The following SELENON variants were observed in gnomAD, a reference collection of about 807,000 sequenced individuals.
SELENON encodes the protein selenoprotein N, also known as selenoprotein N, 1.
In SELENON, 44 loss-of-function variants were observed where a neutral mutation model predicts 59.5. The ratio of observed to expected loss-of-function variants is 0.74; its 90% CI spans 0.58 to 0.95. The LOEUF is 0.95. SELENON is among the 40% of genes least tolerant of loss of function. The probability of loss-of-function intolerance (pLI) is 0.00; values close to 1 mark genes in which losing one functional copy is unlikely to be tolerated. For missense variants in SELENON, 674 were observed against 721.4 expected (o/e 0.93, Z 0.75); for synonymous variants, 320 against 305.6 (o/e 1.05, Z -0.49).
chr1:25,811,363 A>T, intron 7 of SELENON, 91 bp from the exon 7 acceptor site: 1 of 1,135,586 alleles, frequency 8.8e-7, no homozygotes, highest in Admixed American at 1.7e-5. Flanking sequence ...CTCATCTGGA[A>T]AGTGGAGACA....
At chr1:25,814,924 G>C (rs1389799825) in intron 12 of SELENON, among the ~76,000 whole-genome samples, 3 of 152,144 alleles carry the variant, frequency 2.0e-5, no homozygotes, top group African/African-American at 7.2e-5. Context: ...TGAGGGTTTG[G>C]TGTAAAGGAA....
At position 25,807,656 on chromosome 1, in the gene SELENON, C is replaced by CG. The variant is rs1443484618; in HGVS notation, c.538-922dup. Among the ~76,000 whole-genome samples the CG allele has an allele frequency of 9.9e-5, 15 of 152,172 alleles. No homozygotes were observed. Among genetic ancestry groups the CG allele is most frequent in the African/African-American group, 3.1e-4 (13 of 41,460 alleles). On this transcript the variant is annotated intron_variant, in intron 4 of 12. Coordinates refer to ENST00000361547, the MANE Select transcript of SELENON (RefSeq NM_020451.3). The surrounding 1 kb of genome is among the most constrained non-coding windows in gnomAD (Gnocchi z 4.5). ...CCAGGAAGGCGGGCTCGGCCTGGCCCGGCACAGCCAGCTCTGCCTTGAGAA... is the reference window on the plus strand; with the variant it reads ...CCAGGAAGGCGGGCTCGGCCTGGCCCGGGCACAGCCAGCTCTGCCTTGAGAA...
rs1491555793 is a variant in SELENON, at chr1:25,812,563, A to AC, written c.1282-124_1282-123insC. The AC allele has an allele frequency of 3.6e-3, 2,087 of 579,326 alleles. 5 individuals carry two copies. Among genetic ancestry groups the AC allele is most frequent in the Middle Eastern group, 6.6e-3 (15 of 2,286 alleles). 35.9% of individuals were successfully genotyped at this position (579,326 alleles called of 1,614,324 possible). ...CACACAAATATATATGCCTACACAC[A>AC]AACACACACACACACACACACACAC... On this transcript the variant is annotated intron_variant, in intron 9 of 12. Transcript: ENST00000361547.
intron 3 of SELENON, 47 bp from the exon 3 acceptor site, chr1:25,805,095 G>A: frequency 6.2e-7 from 1 of 1,610,536 alleles, no homozygotes; most frequent in Non-Finnish European, 8.5e-7. Context: ...GGAGAGGTGA[G>A]CCCTGTAGCA....
chr1:25,801,172 G>A lies in SELENON; in HGVS notation c.301+12G>A. On this transcript the variant is annotated intron_variant, in intron 2 of 12. Transcript: ENST00000361547. ...TGAGAAGCTAACAGGTACCAGGAGAGACTGGCGGCTGGGGAGGAGGGCGCC... is the reference window on the plus strand; with the variant it reads ...TGAGAAGCTAACAGGTACCAGGAGAAACTGGCGGCTGGGGAGGAGGGCGCC... The A allele has an allele frequency of 6.2e-7, 1 of 1,608,486 alleles. No homozygotes were observed. The highest frequency in any genetic ancestry group is 8.5e-7 in the Non-Finnish European group (1 of 1,174,900).
rs527611669 is a variant in SELENON at position 25,810,096 on chromosome 1, C to T, written c.1010+276C>T. On this transcript the variant is annotated intron_variant, in intron 7 of 12. Transcript: ENST00000361547. ...GACCCTTCCTGAAGCTGGGCCTCCC[C>T]GCCCTCATACTGCTGACAGGCCCCA... Among the ~76,000 whole-genome samples the T allele has an allele frequency of 8.6e-4, 131 of 152,328 alleles. 1 individual carries two copies. Among genetic ancestry groups the T allele is most frequent in the African/African-American group, 2.8e-3 (117 of 41,576 alleles).
intron 3 of SELENON, among the ~76,000 whole-genome samples, chr1:25,802,997 G>A (rs553086031): frequency 2.0e-5 from 3 of 152,190 alleles, no homozygotes; most frequent in East Asian, 3.8e-4. Flanking sequence ...GGTTGGTTCC[G>A]TGCTGGCCCG....
chr1:25,802,434 G>A (rs1048077232), intron 3 of SELENON, among the ~76,000 whole-genome samples: 2 of 152,212 alleles, frequency 1.3e-5, no homozygotes, highest in Non-Finnish European at 2.9e-5. Context: ...TCAGCTCACT[G>A]CAGCTTCTGC....
chr1:25,809,739 C>T lies in SELENON; in HGVS notation c.929C>T (p.Pro310Leu), dbSNP rs1490006491. The T allele has an allele frequency of 6.2e-7, 1 of 1,614,138 alleles. No individual in the cohort carries two copies. Among genetic ancestry groups the T allele is most frequent in the South Asian group, 1.1e-5 (1 of 91,084 alleles). Reference sequence around the variant, plus strand: ...CCCGACTTCCCCTTTTGGTTCTCCCCTGCTCAGTTCACCGGCCACATCATC... The same window carrying T: ...CCCGACTTCCCCTTTTGGTTCTCCCTTGCTCAGTTCACCGGCCACATCATC... The change falls in exon 7 of 13, where the codon CCT becomes CTT. Residue 310 changes from proline to leucine, a missense_variant. Pro to Leu is a moderately conservative substitution (Grantham distance 98). Coordinates refer to ENST00000361547, the MANE Select transcript of SELENON (RefSeq NM_020451.3).
At position 25,816,364 on chromosome 1, in the gene SELENON, A is replaced by G. The variant is rs12072426; in HGVS notation, c.*646A>G. ...TCCCTGACCACGCCACTGACCAGCTATCTGGGGAAGTTTACTGTGAAGGGG... is the reference window on the plus strand; with the variant it reads ...TCCCTGACCACGCCACTGACCAGCTGTCTGGGGAAGTTTACTGTGAAGGGG... On this transcript the variant is annotated 3_prime_UTR_variant, in exon 13 of 13. Coordinates refer to ENST00000361547, the MANE Select transcript of SELENON (RefSeq NM_020451.3). 0.024 allele frequency: 3,726 copies of G among 152,868 alleles called. 146 individuals carry two copies. Among genetic ancestry groups the G allele is most frequent in the African/African-American group, 0.082 (3,400 of 41,564 alleles). The allele number at this position is 152,868 out of a possible 1,614,324, so 9.5% of individuals were successfully genotyped here. A position where few individuals can be genotyped will look rare whatever the true frequency, so the allele number is the denominator to read the frequency against.
Position 25,801,228 on chromosome 1 carries a change from C to A in SELENON, c.301+68C>A, listed in dbSNP as rs999341197. Reference sequence around the variant, plus strand: ...CAACGGTGTCTTCACTGAGCAGGAGCGGCCGTCTGGAGTGGAGGGAAGCTC... The same window carrying A: ...CAACGGTGTCTTCACTGAGCAGGAGAGGCCGTCTGGAGTGGAGGGAAGCTC... On this transcript the variant is annotated intron_variant, in intron 2 of 12. Transcript: ENST00000361547. 8.8e-6 allele frequency: 11 copies of A among 1,252,186 alleles called. No individual in the cohort carries two copies. The South Asian group carries it at 1.3e-4, about 15-fold the overall frequency. 77.6% of individuals were successfully genotyped at this position (1,252,186 alleles called of 1,614,324 possible).
chr1:25,805,085 G>A, intron 3 of SELENON, 57 bp from the exon 3 acceptor site: 2 of 1,608,578 alleles, frequency 1.2e-6, no homozygotes, highest in South Asian at 1.1e-5. Context: ...GGATGATGAG[G>A]GAGAGGTGAG....
intron 3 of SELENON, 49 bp from the exon 3 acceptor site, chr1:25,805,093 G>C: frequency 6.2e-7 from 1 of 1,609,606 alleles, no homozygotes; most frequent in Non-Finnish European, 8.5e-7. Flanking sequence ...AGGGAGAGGT[G>C]AGCCCTGTAG....
At position 25,815,814 on chromosome 1, in the gene SELENON, C is replaced by A; in HGVS notation, c.*96C>A. On this transcript the variant is annotated 3_prime_UTR_variant, in exon 13 of 13. Coordinates refer to ENST00000361547, the MANE Select transcript of SELENON (RefSeq NM_020451.3). Reference sequence around the variant, plus strand: ...ACTGCAGATGCCGCCCACTCCCACCCCACTCCTAGGCTGCCTTGGAGGGTA... The same window carrying A: ...ACTGCAGATGCCGCCCACTCCCACCACACTCCTAGGCTGCCTTGGAGGGTA... 3.0e-6 allele frequency: 4 copies of A among 1,328,390 alleles called. No individual in the cohort carries two copies. The highest frequency in any genetic ancestry group is 2.3e-5 in the East Asian group (1 of 43,038). The allele number at this position is 1,328,390 out of a possible 1,614,324, so 82.3% of individuals were successfully genotyped here. A position where few individuals can be genotyped will look rare whatever the true frequency, so the allele number is the denominator to read the frequency against.
At position 25,808,483 on chromosome 1, in the gene SELENON, C is replaced by T; in HGVS notation, c.538-97C>T. ...GGTCCATCTGCTCCCTTGGTGTGGG[C>T]TGGCTCGGGGCTTGAGGGAGACCTC... is the stretch of plus-strand genomic sequence containing the variant. On this transcript the variant is annotated intron_variant, in intron 4 of 12. Transcript: ENST00000361547. The T allele has an allele frequency of 2.1e-6, 3 of 1,428,168 alleles. No homozygotes were observed. The South Asian group carries it at 3.5e-5, about 17-fold the overall frequency. The allele number at this position is 1,428,168 out of a possible 1,614,324, so 88.5% of individuals were successfully genotyped here. A position where few individuals can be genotyped will look rare whatever the true frequency, so the allele number is the denominator to read the frequency against.
chr1:25,809,291 C>A, intron 6 of SELENON, 141 bp downstream of exon 5: 1 of 1,297,742 alleles, frequency 7.7e-7, no homozygotes, highest in South Asian at 1.3e-5. Context: ...GCTCTCTGAG[C>A]CTCAGTTTTC....
In SELENON at chr1:25,800,222, G is replaced by A. The variant is rs2047847066; in HGVS notation, c.-9G>A. On this transcript the variant is annotated 5_prime_UTR_variant, in exon 1 of 13. Transcript: ENST00000361547. ...CCCGGGCCGCCGGCAGCCGCCGCCAGCCGCAGCCATGGGCCGGGCCCGGCC... is the reference window on the plus strand; with the variant it reads ...CCCGGGCCGCCGGCAGCCGCCGCCAACCGCAGCCATGGGCCGGGCCCGGCC... The A allele has an allele frequency of 7.5e-6, 5 of 664,586 alleles. No homozygotes were observed. In the East Asian group the frequency reaches 4.2e-4, roughly 55 times the overall value. The allele number at this position is 664,586 out of a possible 1,614,324, so 41.2% of individuals were successfully genotyped here. A position where few individuals can be genotyped will look rare whatever the true frequency, so the allele number is the denominator to read the frequency against.
intron 6 of SELENON, among the ~76,000 whole-genome samples, chr1:25,809,449 C>T (rs774446520): frequency 7.9e-5 from 12 of 152,234 alleles, no homozygotes; most frequent in Non-Finnish European, 1.8e-4. Flanking sequence ...CACACATGCC[C>T]TCCAGAAGCT....
chr1:25,818,121 G>C lies in SELENON; in HGVS notation c.*2403G>C, dbSNP rs753762480. 1 of 152,432 alleles carries C rather than the reference G, an allele frequency of 6.6e-6. No individual in the cohort carries two copies. Among genetic ancestry groups the C allele is most frequent in the Admixed American group, 6.5e-5 (1 of 15,284 alleles). 9.4% of individuals were successfully genotyped at this position (152,432 alleles called of 1,614,324 possible). On this transcript the variant is annotated 3_prime_UTR_variant, in exon 13 of 13. Transcript: ENST00000361547. ...CAGTTCATGTCCCCCACCAGGCCTCGAGGCTCAGGGTGGGAGAGGGCCCCG... is the reference window on the plus strand; with the variant it reads ...CAGTTCATGTCCCCCACCAGGCCTCCAGGCTCAGGGTGGGAGAGGGCCCCG...
Sources: allele counts gnomAD v4.1 joint callset (sites outside exome capture counted in the v4.1 genomes callset), GRCh38; gene constraint gnomAD v4.1.1; non-coding constraint Gnocchi (gnomAD v3.1); transcripts MANE v1.5; gene names NCBI Gene and HGNC (gene_info 2026-07-23, HGNC 2026-07-21).